The following CCSER1 variants were observed in gnomAD, a reference collection of about 807,000 sequenced individuals.
The protein encoded by CCSER1 is coiled-coil serine rich protein 1.
In CCSER1, 41 loss-of-function variants were observed where a neutral mutation model predicts 82.0. The ratio of observed to expected loss-of-function variants is 0.50; its 90% CI spans 0.39 to 0.65. The LOEUF (loss-of-function observed/expected upper bound fraction) is 0.65, where lower values mean the gene tolerates loss of function less well. CCSER1 is among the 30% of genes least tolerant of loss of function. The probability of loss-of-function intolerance (pLI) is 0.00; values close to 1 mark genes in which losing one functional copy is unlikely to be tolerated. For missense variants in CCSER1, 1,119 were observed against 1,064.2 expected (o/e 1.05, Z -0.72); for synonymous variants, 414 against 383.9 (o/e 1.08, Z -0.92).
intron 1 of CCSER1, among the ~76,000 whole-genome samples, chr4:90,265,078 A>G (rs1222724621): frequency 6.6e-6 from 1 of 151,948 alleles, no homozygotes; most frequent in Non-Finnish European, 1.5e-5. Context: ...TATTATATAT[A>G]ATCTTTAATT....
chr4:90,684,830 G>A (rs1025117212), intron 6 of CCSER1, among the ~76,000 whole-genome samples: 15 of 152,002 alleles, frequency 9.9e-5, no homozygotes, highest in Admixed American at 5.9e-4. Context: ...GCGGTGGGGC[G>A]GGGGTGGACT....
At chr4:90,894,811 T>C (rs1319400355) in intron 8 of CCSER1, among the ~76,000 whole-genome samples, 4 of 152,002 alleles carry the variant, frequency 2.6e-5, no homozygotes, top group South Asian at 2.1e-4. Context: ...TGTGCTTAGC[T>C]TTTTACTATA....
At chr4:91,551,340 C>A (rs1408512755) in intron 10 of CCSER1, among the ~76,000 whole-genome samples, 1 of 151,926 alleles carries the variant, frequency 6.6e-6, no homozygotes, top group Non-Finnish European at 1.5e-5. Context: ...AAACAGTGAG[C>A]TATGAATTAC....
At chr4:91,082,714 G>A (rs1472951833) in intron 9 of CCSER1, among the ~76,000 whole-genome samples, 1 of 151,870 alleles carries the variant, frequency 6.6e-6, no homozygotes, top group African/African-American at 2.4e-5. Context: ...AGATTTACAA[G>A]AAAAAATCAA....
At chr4:90,319,810 C>T (rs1249109164) in intron 3 of CCSER1, among the ~76,000 whole-genome samples, 1 of 151,998 alleles carries the variant, frequency 6.6e-6, no homozygotes, top group African/African-American at 2.4e-5. Flanking sequence ...AGAATTAAAG[C>T]AAATATTGCT....
intron 4 of CCSER1, among the ~76,000 whole-genome samples, chr4:90,467,257 G>A (rs567365703): frequency 1.6e-4 from 25 of 152,162 alleles, no homozygotes; most frequent in African/African-American, 5.5e-4. Flanking sequence ...ATGATAGTGC[G>A]CCTGTAGTCC....
chr4:91,250,874 C>A (rs1475517873), intron 10 of CCSER1, among the ~76,000 whole-genome samples: 1 of 152,006 alleles, frequency 6.6e-6, no homozygotes, highest in Non-Finnish European at 1.5e-5. Context: ...AAACCACCAG[C>A]AGGATACTCC....
At chr4:90,929,197 A>G (rs758982751) in intron 9 of CCSER1, among the ~76,000 whole-genome samples, 19 of 152,168 alleles carry the variant, frequency 1.2e-4, no homozygotes, top group Non-Finnish European at 2.2e-4. Flanking sequence ...GTGAAACTAA[A>G]CAAATTTAGA....
At chr4:90,773,069 C>T (rs1357980771) in intron 7 of CCSER1, among the ~76,000 whole-genome samples, 1 of 151,952 alleles carries the variant, frequency 6.6e-6, no homozygotes, top group Non-Finnish European at 1.5e-5. Flanking sequence ...GGAGAAACCC[C>T]ATGTCTACTA....
chr4:90,755,227 A>AC (rs1749306936), intron 7 of CCSER1, among the ~76,000 whole-genome samples: 1 of 152,202 alleles, frequency 6.6e-6, no homozygotes, highest in South Asian at 2.1e-4. Context: ...TAACTGAGGA[A>AC]CAAGAGGGGG....
At chr4:90,151,426 A>G (rs901982733) in intron 1 of CCSER1, among the ~76,000 whole-genome samples, 1 of 152,108 alleles carries the variant, frequency 6.6e-6, no homozygotes. Flanking sequence ...TGATTTCTAT[A>G]AAGTCTACCA....
chr4:90,305,926 C>T (rs902604055), intron 1 of CCSER1, among the ~76,000 whole-genome samples: 1 of 152,128 alleles, frequency 6.6e-6, no homozygotes, highest in Non-Finnish European at 1.5e-5. Flanking sequence ...TGTAACAAAC[C>T]TAAGTGTACA....
chr4:90,358,754 T>A (rs1579372155), intron 3 of CCSER1, among the ~76,000 whole-genome samples: 1 of 152,182 alleles, frequency 6.6e-6, no homozygotes, highest in African/African-American at 2.4e-5. Flanking sequence ...AATGTCAGTA[T>A]AATTTGAGTT....
At chr4:90,544,528 A>T (rs1244421983) in intron 5 of CCSER1, among the ~76,000 whole-genome samples, 1 of 152,106 alleles carries the variant, frequency 6.6e-6, no homozygotes, top group Non-Finnish European at 1.5e-5. Context: ...TGGAGTATTG[A>T]CAAACCCCAG....
chr4:90,934,747 C>T (rs989204997), intron 9 of CCSER1, among the ~76,000 whole-genome samples: 5 of 151,966 alleles, frequency 3.3e-5, no homozygotes, highest in East Asian at 1.9e-4. Flanking sequence ...GCCTGACCAA[C>T]GTGGAGAAAC....
chr4:90,478,458 G>A (rs146724614), intron 5 of CCSER1, among the ~76,000 whole-genome samples: 11 of 152,048 alleles, frequency 7.2e-5, no homozygotes, highest in Non-Finnish European at 1.5e-4. Context: ...GCATAATTAC[G>A]TGTTGAATAT....
chr4:90,557,805 C>T (rs186381552), intron 5 of CCSER1, among the ~76,000 whole-genome samples: 71 of 152,214 alleles, frequency 4.7e-4, no homozygotes, highest in African/African-American at 1.6e-3. Flanking sequence ...GGCAAAGTTT[C>T]TCATATTACA....
chr4:90,155,718 A>C (rs1252714118), intron 1 of CCSER1, among the ~76,000 whole-genome samples: 1 of 149,896 alleles, frequency 6.7e-6, no homozygotes, highest in Non-Finnish European at 1.5e-5. Flanking sequence ...GTGGGATCGT[A>C]TCCCCTTTAT....
intron 10 of CCSER1, among the ~76,000 whole-genome samples, chr4:91,297,765 C>T (rs1456415087): frequency 6.6e-6 from 1 of 151,638 alleles, no homozygotes; most frequent in African/African-American, 2.4e-5. Context: ...GACAGCCAAC[C>T]AACAAATGAA....
Sources: gnomAD v4.1 joint callset for allele counts (sites outside exome capture counted in the v4.1 genomes callset) on GRCh38, gnomAD v4.1.1 for gene constraint, MANE v1.5 for transcripts, NCBI Gene and HGNC (gene_info 2026-07-23, HGNC 2026-07-21) for gene names.